The following TNFRSF21 variants were observed in gnomAD, a reference collection of about 807,000 sequenced individuals.
TNFRSF21 encodes TNF receptor superfamily member 21, also known as tumor necrosis factor receptor superfamily member 21.
A neutral mutation model predicts 45.6 loss-of-function variants in TNFRSF21; 19 were observed. The ratio of observed to expected loss-of-function variants is 0.42; its 90% confidence interval spans 0.29 to 0.61. The LOEUF (loss-of-function observed/expected upper bound fraction) is 0.61, where lower values mean the gene tolerates loss of function less well. TNFRSF21 is among the 20% of genes least tolerant of loss of function. The pLI is 0.23. For synonymous variants in TNFRSF21, 314 were observed against 335.5 expected (o/e 0.94, Z 0.70); for missense variants, 737 against 851.5 (o/e 0.87, Z 1.67).
Position 47,232,710 on chromosome 6 carries a change from A to G in TNFRSF21, c.*55T>C. ...AAAAATCAGAAACAGAAGAAAATTA[A>G]AAAACCACCCTGCCACTAAATTGAG... On this transcript the variant is annotated 3_prime_UTR_variant, in exon 6 of 6. Transcript: ENST00000296861. 1 of 1,560,242 alleles carries G rather than the reference A, an allele frequency of 6.4e-7. No homozygotes were observed. The highest frequency in any genetic ancestry group is 8.8e-7 in the Non-Finnish European group (1 of 1,138,830).
At position 47,309,718 on chromosome 6, in the gene TNFRSF21, G is replaced by A. The variant is rs928057900; in HGVS notation, c.-207C>T. Reference sequence around the variant, plus strand: ...CGCTCAGCACCTGCCCAGCGGCGCGGCCGCCCAGGCGGGGAGAAGCCGCCG... The same window carrying A: ...CGCTCAGCACCTGCCCAGCGGCGCGACCGCCCAGGCGGGGAGAAGCCGCCG... On this transcript the variant is annotated 5_prime_UTR_variant, in exon 1 of 6. Coordinates refer to ENST00000296861, the MANE Select transcript of TNFRSF21 (RefSeq NM_014452.5). 2.2e-4 allele frequency: 142 copies of A among 649,958 alleles called. No homozygotes were observed. The highest frequency in any genetic ancestry group is 2.8e-4 in the Non-Finnish European group (126 of 452,546). 40.3% of individuals were successfully genotyped at this position (649,958 alleles called of 1,614,324 possible). A position where few individuals can be genotyped will look rare whatever the true frequency, so the allele number is the denominator to read the frequency against.
At chr6:47,235,931 T>C (rs1030027404) in intron 4 of TNFRSF21, among the ~76,000 whole-genome samples, 1 of 152,120 alleles carries the variant, frequency 6.6e-6, no homozygotes, top group African/African-American at 2.4e-5. Flanking sequence ...CCACTCTGGC[T>C]GGTGGGTAGA....
At chr6:47,295,764 T>C (rs192133424) in intron 1 of TNFRSF21, among the ~76,000 whole-genome samples, 17 of 152,048 alleles carry the variant, frequency 1.1e-4, no homozygotes, top group African/African-American at 4.1e-4. Context: ...TTCCCAGTTA[T>C]GTTGGTCAAC....
At chr6:47,243,487 G>A (rs1055823949) in intron 4 of TNFRSF21, among the ~76,000 whole-genome samples, 6 of 151,764 alleles carry the variant, frequency 4.0e-5, no homozygotes, top group South Asian at 4.2e-4. Context: ...GTGCAATCTC[G>A]GCTCACTGCA....
At chr6:47,233,790 A>G (rs914985106) in intron 5 of TNFRSF21, among the ~76,000 whole-genome samples, 12 of 151,926 alleles carry the variant, frequency 7.9e-5, no homozygotes, top group Non-Finnish European at 1.8e-4. Context: ...CTTTCACTAA[A>G]ATATAACTGG....
chr6:47,305,498 G>C (rs546934316), intron 1 of TNFRSF21, among the ~76,000 whole-genome samples: 1 of 152,168 alleles, frequency 6.6e-6, no homozygotes, highest in African/African-American at 2.4e-5. Flanking sequence ...TTAAAGTTCT[G>C]CTCGAATTTG....
chr6:47,295,963 T>C (rs1762784964), intron 1 of TNFRSF21, among the ~76,000 whole-genome samples: 1 of 152,186 alleles, frequency 6.6e-6, no homozygotes, highest in South Asian at 2.1e-4. Flanking sequence ...GAGACTTAAC[T>C]CAGGTGCTGT....
At chr6:47,233,222 T>C (rs1437539968) in intron 5 of TNFRSF21, among the ~76,000 whole-genome samples, 1 of 152,240 alleles carries the variant, frequency 6.6e-6, no homozygotes, top group African/African-American at 2.4e-5. Context: ...ATTTGCCTGG[T>C]AGAGATCAGA....
chr6:47,287,167 C>T (rs12174641), intron 1 of TNFRSF21, among the ~76,000 whole-genome samples: 6 of 151,572 alleles, frequency 4.0e-5, no homozygotes, highest in Admixed American at 3.9e-4. Flanking sequence ...ATTAACTAGG[C>T]TTGGTGGTGC....
chr6:47,249,069 C>G (rs1297587120), intron 4 of TNFRSF21, among the ~76,000 whole-genome samples: 3 of 152,178 alleles, frequency 2.0e-5, no homozygotes, highest in Non-Finnish European at 4.4e-5. Flanking sequence ...GCACACGTCT[C>G]CATACTGATG....
chr6:47,304,455 T>C (rs568782206), intron 1 of TNFRSF21, among the ~76,000 whole-genome samples: 1 of 152,288 alleles, frequency 6.6e-6, no homozygotes, highest in African/African-American at 2.4e-5. Context: ...TAAAGTGTGA[T>C]GTCTCCACAT....
chr6:47,261,374 C>T lies in TNFRSF21; in HGVS notation c.1244-7853G>A, dbSNP rs533654069. Among the ~76,000 whole-genome samples, 51 of 152,306 alleles carry T rather than the reference C, an allele frequency of 3.3e-4. 1 individual carries two copies. The South Asian group carries it at 9.5e-3, about 28-fold the overall frequency. On this transcript the variant is annotated intron_variant, in intron 3 of 5. Coordinates refer to ENST00000296861, the MANE Select transcript of TNFRSF21 (RefSeq NM_014452.5). ...TCCCCAGCACCTGTCAGAGGAATAC[C>T]ACAAATATCTTTGGATAAATGAATG...
chr6:47,290,594 G>A (rs985803056), intron 1 of TNFRSF21, among the ~76,000 whole-genome samples: 2 of 152,176 alleles, frequency 1.3e-5, no homozygotes, highest in Non-Finnish European at 1.5e-5. Context: ...TGGAATAACA[G>A]ATCAAGTTTC....
rs892391185 is a variant in TNFRSF21 at position 47,234,637 on chromosome 6, G to T, written c.1738+33C>A. On this transcript the variant is annotated intron_variant, in intron 5 of 5. Coordinates refer to ENST00000296861, the MANE Select transcript of TNFRSF21 (RefSeq NM_014452.5). ...CCCAGGGGCTCTTTGGGGGGTTTAA[G>T]TGCGTGTGTGAGGTCTGCTGCGATG... 3.2e-6 allele frequency: 5 copies of T among 1,546,288 alleles called. No individual in the cohort carries two copies. The Admixed American group carries it at 7.2e-5, about 22-fold the overall frequency.
chr6:47,232,617 T>G lies in TNFRSF21; in HGVS notation c.*148A>C, dbSNP rs1281548777. On this transcript the variant is annotated 3_prime_UTR_variant, in exon 6 of 6. Coordinates refer to ENST00000296861, the MANE Select transcript of TNFRSF21 (RefSeq NM_014452.5). ...AAGAACTCAAGCACTGGCCATATTC[T>G]CTGTTAAACACACACACACACACAC... The G allele has an allele frequency of 5.2e-6, 3 of 581,760 alleles. No homozygotes were observed. In the African/African-American group the frequency reaches 6.7e-5, roughly 13 times the overall value. The allele number at this position is 581,760 out of a possible 1,614,324, so 36.0% of individuals were successfully genotyped here. A position where few individuals can be genotyped will look rare whatever the true frequency, so the allele number is the denominator to read the frequency against.
chr6:47,242,312 T>G (rs531386354), intron 4 of TNFRSF21, among the ~76,000 whole-genome samples: 49 of 152,318 alleles, frequency 3.2e-4, no homozygotes, highest in African/African-American at 1.2e-3. Context: ...TTAAGGCCTA[T>G]GAAGTTAGAC....
chr6:47,281,727 G>A (rs1311490540), intron 3 of TNFRSF21, among the ~76,000 whole-genome samples: 4 of 152,136 alleles, frequency 2.6e-5, no homozygotes, highest in Admixed American at 2.6e-4. Context: ...CAAAGCAAAA[G>A]AGCAATATGT....
At chr6:47,289,136 A>G (rs1762687125) in intron 1 of TNFRSF21, among the ~76,000 whole-genome samples, 1 of 152,222 alleles carries the variant, frequency 6.6e-6, no homozygotes, top group African/African-American at 2.4e-5. Flanking sequence ...TGAAATGCAC[A>G]AAGTTTATGT....
At chr6:47,282,358 T>C (rs145927238) in intron 3 of TNFRSF21, among the ~76,000 whole-genome samples, 3,103 of 141,018 alleles carry the variant, frequency 0.022, 125 homozygotes, top group African/African-American at 0.08. Context: ...CACTCCAGCC[T>C]GAGCAACAAG....
Sources: gnomAD v4.1 joint callset for allele counts (sites outside exome capture counted in the v4.1 genomes callset) on GRCh38, gnomAD v4.1.1 for gene constraint, MANE v1.5 for transcripts, NCBI Gene and HGNC (gene_info 2026-07-23, HGNC 2026-07-21) for gene names.